The following EIF4G1 variants were observed in gnomAD, a reference collection of about 807,000 sequenced individuals.
The protein encoded by EIF4G1 is eukaryotic translation initiation factor 4 gamma 1.
EIF4G1 carries 4 observed loss-of-function variants against 187.8 expected under a neutral mutation model. The ratio of observed to expected loss-of-function variants is 0.02; its 90% confidence interval spans 0.01 to 0.05. The LOEUF is 0.05. Among genes scored for constraint, EIF4G1 ranks in the 10% least tolerant of loss-of-function variants. The pLI, the probability that EIF4G1 is intolerant of heterozygous loss-of-function variation, is 1.00. For synonymous variants in EIF4G1, 844 were observed against 781.4 expected (o/e 1.08, Z -1.34); for missense variants, 1,647 against 2,081.1 (o/e 0.79, Z 4.06).
rs1318974299 is a variant in EIF4G1 at position 184,331,575 on chromosome 3, G to A, written c.4364G>A (p.Ser1455Asn). ...RQLEKLLKEGSSNQRVFDWIE... is the reference protein window; with the variant it reads ...RQLEKLLKEGNSNQRVFDWIE... Reference sequence around the variant, plus strand: ...CTGGAGAAGCTGCTGAAGGAGGGCAGCAGTAACCAGCGGGTGTTCGACTGG... The same window carrying A: ...CTGGAGAAGCTGCTGAAGGAGGGCAACAGTAACCAGCGGGTGTTCGACTGG... The change falls in exon 30 of 33, where the codon AGC becomes AAC. Residue 1455 changes from serine to asparagine, a missense_variant. By Grantham distance (46) the Ser-to-Asn change is conservative. Transcript: ENST00000346169. The A allele has an allele frequency of 6.2e-7, 1 of 1,612,432 alleles. No individual in the cohort carries two copies. Among genetic ancestry groups the A allele is most frequent in the South Asian group, 1.1e-5 (1 of 91,038 alleles).
chr3:184,328,787 G>C, intron 27 of EIF4G1, 31 bp downstream of exon 27: 2 of 1,614,166 alleles, frequency 1.2e-6, no homozygotes, highest in African/African-American at 2.7e-5. Flanking sequence ...TTCAGGGGAG[G>C]TAAAGACCAG....
intron 26 of EIF4G1, chr3:184,328,348 GCCATTGCA>G: frequency 2.0e-6 from 1 of 506,612 alleles, no homozygotes; most frequent in South Asian, 2.0e-5. Flanking sequence ...CCGAGATCGT[GCCATTGCA>G]CTCCAGCCTG....
rs548596476 is a variant in EIF4G1 at position 184,316,650 on chromosome 3, T to C, written c.147+432T>C. 41 of 1,501,158 alleles carry C rather than the reference T, an allele frequency of 2.7e-5. No homozygotes were observed. In the African/African-American group the frequency reaches 5.7e-4, roughly 21 times the overall value. The allele number at this position is 1,501,158 out of a possible 1,614,324, so 93.0% of individuals were successfully genotyped here. ...TTCTTGTCCTGTCTTATTGCCTTCATTCCCTCCCCCCGCCATCACCTTGGG... is the reference window on the plus strand; with the variant it reads ...TTCTTGTCCTGTCTTATTGCCTTCACTCCCTCCCCCCGCCATCACCTTGGG... On this transcript the variant is annotated intron_variant, in intron 4 of 32. Coordinates refer to ENST00000346169, the MANE Select transcript of EIF4G1 (RefSeq NM_198241.3).
At chr3:184,315,195 G>T (rs1381016767) in intron 1 of EIF4G1, 3 of 353,232 alleles carry the variant, frequency 8.5e-6, no homozygotes, top group Non-Finnish European at 1.7e-5. Context: ...CTCGACGGCC[G>T]CCGCCCGCCT....
In EIF4G1 at chr3:184,322,157, G is replaced by T. The variant is rs1724008305; in HGVS notation, c.1519+54G>T. On this transcript the variant is annotated intron_variant, in intron 10 of 32. Coordinates refer to ENST00000346169, the MANE Select transcript of EIF4G1 (RefSeq NM_198241.3). ...GGCGGGCTAGGGGATATCGTTCCTTGCCCTCCTTGATGACCGCCCATTTTT... is the reference window on the plus strand; with the variant it reads ...GGCGGGCTAGGGGATATCGTTCCTTTCCCTCCTTGATGACCGCCCATTTTT... 8.1e-6 allele frequency: 13 copies of T among 1,612,678 alleles called. No homozygotes were observed. In the South Asian group the frequency reaches 1.4e-4, roughly 18 times the overall value.
chr3:184,316,396 G>T (rs1052209699), intron 4 of EIF4G1, among the ~76,000 whole-genome samples, 178 bp downstream of exon 4: 1 of 152,144 alleles, frequency 6.6e-6, no homozygotes, highest in Non-Finnish European at 1.5e-5. Flanking sequence ...CCCTTGGATA[G>T]TATGTTGTCA....
At position 184,331,956 on chromosome 3, in the gene EIF4G1, C is replaced by T; in HGVS notation, c.4488C>T (p.Pro1496=). The change falls in exon 32 of 33, where the codon CCC becomes CCT. Residue 1496 remains proline (P), a synonymous_variant. Transcript: ENST00000346169. ...CCTGTCTTCTTGTAGTTGAGACTCC[C>T]CTCCGAGTGGACGTTGCAGTGCTGA... ...VCYSAIIFET[P]LRVDVAVLKA... 1.4e-5 allele frequency: 22 copies of T among 1,614,186 alleles called. No individual in the cohort carries two copies. Among genetic ancestry groups the T allele is most frequent in the Non-Finnish European group, 1.9e-5 (22 of 1,180,032 alleles).
chr3:184,335,345 T>G lies in EIF4G1; in HGVS notation c.*437T>G. 4.5e-6 allele frequency: 1 copy of G among 221,166 alleles called. No homozygotes were observed. Among genetic ancestry groups the G allele is most frequent in the Non-Finnish European group, 9.3e-6 (1 of 107,558 alleles). The allele number at this position is 221,166 out of a possible 1,614,324, so 13.7% of individuals were successfully genotyped here. A position where few individuals can be genotyped will look rare whatever the true frequency, so the allele number is the denominator to read the frequency against. On this transcript the variant is annotated 3_prime_UTR_variant, in exon 33 of 33. Transcript: ENST00000346169. ...GGTGCCTGTAATTATTAAACATGAA[T>G]TCAATTAAGCTCACTGCCTTTCTGC...
In EIF4G1 at chr3:184,321,246, GC is replaced by G. The variant is rs1723858834; in HGVS notation, c.698-34del. 2.5e-6 allele frequency: 4 copies of G among 1,613,412 alleles called. No individual in the cohort carries two copies. In the African/African-American group the frequency reaches 4.0e-5, roughly 16 times the overall value. On this transcript the variant is annotated intron_variant, in intron 9 of 32. Coordinates refer to ENST00000346169, the MANE Select transcript of EIF4G1 (RefSeq NM_198241.3). ...GAGGAACAACAGCAGTTAAGCACTTGCCTTTAGTTGCTCATTCTTCCTTCCT... is the reference window on the plus strand; with the variant it reads ...GAGGAACAACAGCAGTTAAGCACTTGCTTTAGTTGCTCATTCTTCCTTCCT...
rs1183088772 is a variant in EIF4G1, at chr3:184,327,862, A to G, written c.3813A>G (p.Ser1271=). 15 of 1,613,892 alleles carry G rather than the reference A, an allele frequency of 9.3e-6. No homozygotes were observed. The highest frequency in any genetic ancestry group is 1.3e-5 in the Non-Finnish European group (15 of 1,180,014). ...TCCAGTGCGTGCAGGAGCTGGCCTC[A>G]CCCTCCTTGCTCTTCATCTTTGTAC... ...EAVQCVQELA[S]PSLLFIFVRH... Residue 1271 remains serine (S), a synonymous_variant, in exon 26 of 33, where the codon TCA becomes TCG. Transcript: ENST00000346169.
chr3:184,329,179 C>A, intron 28 of EIF4G1, 189 bp downstream of exon 28: 2 of 665,648 alleles, frequency 3.0e-6, no homozygotes, highest in Non-Finnish European at 5.2e-6. Flanking sequence ...GAGTTCTGGC[C>A]AAGACTGGAG....
intron 3 of EIF4G1, 137 bp downstream of exon 3, chr3:184,315,993 T>A (rs1266935189): frequency 6.6e-7 from 1 of 1,524,986 alleles, no homozygotes; most frequent in East Asian, 2.5e-5. Context: ...CCCTGGGCTG[T>A]CCCCGGGGGC....
intron 22 of EIF4G1, 65 bp from the exon 23 acceptor site, chr3:184,326,816 G>A: frequency 6.3e-7 from 1 of 1,596,430 alleles, no homozygotes; most frequent in South Asian, 1.1e-5. Context: ...TCCTAAACTG[G>A]CAAGTAGGGG....
In EIF4G1 at chr3:184,322,149, C is replaced by G. The variant is rs16858641; in HGVS notation, c.1519+46C>G. ...AGAGGTAGGGCGGGCTAGGGGATAT[C>G]GTTCCTTGCCCTCCTTGATGACCGC... is the stretch of plus-strand genomic sequence containing the variant. On this transcript the variant is annotated intron_variant, in intron 10 of 32. Coordinates refer to ENST00000346169, the MANE Select transcript of EIF4G1 (RefSeq NM_198241.3). 6,888 of 1,612,620 alleles carry G rather than the reference C, an allele frequency of 4.3e-3. 270 individuals are homozygous for G. The African/African-American group carries it at 0.08, about 19-fold the overall frequency.
chr3:184,325,835 C>T lies in EIF4G1; in HGVS notation c.3122-16C>T, dbSNP rs1281524231. The T allele has an allele frequency of 2.5e-6, 4 of 1,613,998 alleles. No homozygotes were observed. Among genetic ancestry groups the T allele is most frequent in the Admixed American group, 3.3e-5 (2 of 59,998 alleles). On this transcript the variant is annotated splice_polypyrimidine_tract_variant and intron_variant, in intron 20 of 32. Coordinates refer to ENST00000346169, the MANE Select transcript of EIF4G1 (RefSeq NM_198241.3). This position sits in a 1 kb window ranked among gnomAD's most constrained non-coding sequence, Gnocchi z 5.2. ...GATTTATTCATTATTCCAGTATGCC[C>T]CTCTTTTTGTGTCAGGCCGTGGACT...
chr3:184,328,813 GA>G, intron 27 of EIF4G1, 57 bp downstream of exon 27: 6 of 1,614,168 alleles, frequency 3.7e-6, no homozygotes, highest in Non-Finnish European at 5.1e-6. Context: ...AGGTGGTAGG[GA>G]AATGGCTGGG....
intron 28 of EIF4G1, among the ~76,000 whole-genome samples, chr3:184,329,982 C>T (rs890112494): frequency 2.6e-5 from 4 of 152,246 alleles, no homozygotes; most frequent in South Asian, 4.1e-4. Context: ...TTTAAATAGA[C>T]GTGTACCAGG....
chr3:184,331,690 A>C, intron 30 of EIF4G1, 38 bp from the exon 31 acceptor site: 2 of 1,614,160 alleles, frequency 1.2e-6, no homozygotes, highest in Non-Finnish European at 1.7e-6. Flanking sequence ...TGAAGGGCCC[A>C]ATTCAGAATC....
Position 184,322,410 on chromosome 3 carries a change from A to G in EIF4G1, c.1568A>G (p.Lys523Arg). Reference protein sequence around the residue: ...KRRRKIKELNKKEAVGDLLDA... With the variant: ...KRRRKIKELNRKEAVGDLLDA... ...AGACGGAAAATTAAGGAGCTAAATA[A>G]GAAGGAGGCTGTTGGAGACCTTCTG... The change falls in exon 11 of 33, where the codon AAG (lysine) becomes AGG (arginine). Residue 523 changes from lysine to arginine, a missense_variant. Coordinates refer to ENST00000346169, the MANE Select transcript of EIF4G1 (RefSeq NM_198241.3). The G allele has an allele frequency of 2.5e-6, 4 of 1,614,228 alleles. No individual in the cohort carries two copies. Among genetic ancestry groups the G allele is most frequent in the African/African-American group, 1.3e-5 (1 of 75,062 alleles).
Sources: allele counts gnomAD v4.1 joint callset (sites outside exome capture counted in the v4.1 genomes callset), GRCh38; gene constraint gnomAD v4.1.1; non-coding constraint Gnocchi (gnomAD v3.1); transcripts MANE v1.5; gene names NCBI Gene and HGNC (gene_info 2026-07-23, HGNC 2026-07-21).